The following NXPE4 variants were observed in gnomAD, a reference collection of about 807,000 sequenced individuals.
NXPE4 encodes neurexophilin and PC-esterase domain family member 4.
NXPE4 carries 42 observed loss-of-function variants against 33.3 expected under a neutral mutation model. That is an observed-to-expected ratio of 1.26 (90% CI 0.98 to 1.63). The LOEUF (loss-of-function observed/expected upper bound fraction) is 1.63. Among genes scored for constraint, NXPE4 ranks in the 40% most tolerant of loss-of-function variants. The probability of loss-of-function intolerance (pLI) is 0.00; values close to 1 mark genes in which losing one functional copy is unlikely to be tolerated. For missense variants in NXPE4, 709 were observed against 647.6 expected (o/e 1.09, Z -1.03); for synonymous variants, 253 against 234.9 (o/e 1.08, Z -0.71).
At chr11:114,647,457 G>C in the NXPE4 span, among the ~76,000 whole-genome samples, 20 of 152,138 alleles carry the variant, frequency 1.3e-4, no homozygotes, top group Non-Finnish European at 2.5e-4. Flanking sequence ...TATTTAAAGG[G>C]GGACAAAGTC....
chr11:114,624,045 G>T, the NXPE4 span, among the ~76,000 whole-genome samples: 591 of 151,122 alleles, frequency 3.9e-3, 5 homozygotes, highest in African/African-American at 0.013. Flanking sequence ...ACTGTTACCT[G>T]GTGGATAATG....
chr11:114,603,901 G>A, the NXPE4 span, among the ~76,000 whole-genome samples: 6 of 149,010 alleles, frequency 4.0e-5, no homozygotes, highest in Admixed American at 2.7e-4. Flanking sequence ...GTATTGCCTC[G>A]TCTCCAAGGG....
chr11:114,639,293 G>T, the NXPE4 span, among the ~76,000 whole-genome samples: 1 of 152,078 alleles, frequency 6.6e-6, no homozygotes, highest in Admixed American at 6.6e-5. Context: ...ATAATCTCCT[G>T]GTGCACCGTT....
intron 1 of NXPE4, among the ~76,000 whole-genome samples, 187 bp from the exon 2 acceptor site, chr11:114,594,956 A>C (rs1027104425): frequency 2.0e-5 from 3 of 152,108 alleles, no homozygotes; most frequent in Admixed American, 6.6e-5. Flanking sequence ...TCTTTTAGCT[A>C]TCTGCTTGTA....
At chr11:114,670,179 T>A in the NXPE4 span, among the ~76,000 whole-genome samples, 4 of 151,880 alleles carry the variant, frequency 2.6e-5, no homozygotes, top group African/African-American at 9.7e-5. Context: ...AATGGAGCAA[T>A]CAGCCAGGAA....
the NXPE4 span, among the ~76,000 whole-genome samples, chr11:114,624,639 A>G: frequency 6.6e-6 from 1 of 152,028 alleles, no homozygotes; most frequent in Non-Finnish European, 1.5e-5. Flanking sequence ...CCAGTGGATA[A>G]TAAGTATTGC....
chr11:114,584,931 A>T (rs1346904347), intron 2 of NXPE4, among the ~76,000 whole-genome samples: 1 of 152,138 alleles, frequency 6.6e-6, no homozygotes, highest in Non-Finnish European at 1.5e-5. Flanking sequence ...GAAGCATAAA[A>T]GGCGCCAGGT....
chr11:114,620,166 T>G, the NXPE4 span, among the ~76,000 whole-genome samples: 1 of 152,036 alleles, frequency 6.6e-6, no homozygotes, highest in Non-Finnish European at 1.5e-5. Context: ...TGATAAATAT[T>G]GCCTCATGGG....
At chr11:114,650,583 A>G in the NXPE4 span, among the ~76,000 whole-genome samples, 3 of 152,158 alleles carry the variant, frequency 2.0e-5, no homozygotes, top group Non-Finnish European at 4.4e-5. Context: ...GAAAAAATCT[A>G]CACTGCAAAG....
the NXPE4 span, among the ~76,000 whole-genome samples, chr11:114,630,933 T>C: frequency 1.3e-5 from 2 of 151,390 alleles, no homozygotes; most frequent in Non-Finnish European, 3.0e-5. Flanking sequence ...ATGCTCACCA[T>C]CACTGGCCAT....
intron 2 of NXPE4, among the ~76,000 whole-genome samples, chr11:114,586,210 G>T (rs1356275613): frequency 6.6e-6 from 1 of 152,156 alleles, no homozygotes; most frequent in Non-Finnish European, 1.5e-5. Flanking sequence ...ACAGAAGAGA[G>T]CTTTTCTCTT....
chr11:114,649,830 A>AT, the NXPE4 span, among the ~76,000 whole-genome samples: 1 of 152,190 alleles, frequency 6.6e-6, no homozygotes, highest in Admixed American at 6.5e-5. Context: ...CCATGTTCAA[A>AT]TATGTACTTG....
At chr11:114,620,624 T>A in the NXPE4 span, among the ~76,000 whole-genome samples, 1 of 151,676 alleles carries the variant, frequency 6.6e-6, no homozygotes, top group African/African-American at 2.4e-5. Context: ...GGATAATAAG[T>A]GTTGCCTCTA....
chr11:114,624,346 A>G, the NXPE4 span, among the ~76,000 whole-genome samples: 3 of 152,068 alleles, frequency 2.0e-5, no homozygotes, highest in Non-Finnish European at 4.4e-5. Context: ...CTCAGTGGAT[A>G]ATAATTATTG....
the NXPE4 span, among the ~76,000 whole-genome samples, chr11:114,639,697 T>C: frequency 7.3e-6 from 1 of 137,322 alleles, no homozygotes; most frequent in South Asian, 2.1e-4. Context: ...ATCTATTCTA[T>C]AATATATTCT....
intron 2 of NXPE4, among the ~76,000 whole-genome samples, chr11:114,593,958 G>A (rs959077921): frequency 2.6e-5 from 4 of 152,066 alleles, no homozygotes; most frequent in African/African-American, 9.7e-5. Flanking sequence ...TTTATTTGTG[G>A]AAGTTAATAC....
At chr11:114,672,859 G>T in the NXPE4 span, among the ~76,000 whole-genome samples, 2 of 151,512 alleles carry the variant, frequency 1.3e-5, no homozygotes, top group Non-Finnish European at 3.0e-5. Context: ...AACAATAATA[G>T]TTAGAGACTT....
chr11:114,637,548 CTTCCT>C, the NXPE4 span, among the ~76,000 whole-genome samples: 110 of 150,902 alleles, frequency 7.3e-4, no homozygotes, highest in Middle Eastern at 6.8e-3. Flanking sequence ...GATACAGTTT[CTTCCT>C]AGTCTCAATG....
the NXPE4 span, among the ~76,000 whole-genome samples, chr11:114,606,384 C>T: frequency 6.6e-6 from 1 of 151,798 alleles, no homozygotes; most frequent in African/African-American, 2.4e-5. Context: ...AGTGTTGCCT[C>T]ATGGGTAACC....
Sources: gnomAD v4.1 joint callset for allele counts (sites outside exome capture counted in the v4.1 genomes callset) on GRCh38, gnomAD v4.1.1 for gene constraint, MANE v1.5 for transcripts, NCBI Gene and HGNC (gene_info 2026-07-23, HGNC 2026-07-21) for gene names.